The following SIM2 variants were observed in gnomAD, a reference collection of about 807,000 sequenced individuals.
SIM2 encodes the protein SIM bHLH transcription factor 2.
SIM2 carries 28 observed loss-of-function variants against 64.8 expected under a neutral mutation model. The ratio of observed to expected loss-of-function variants is 0.43; its 90% confidence interval spans 0.32 to 0.59. The LOEUF is 0.59. SIM2 is among the 20% of genes least tolerant of loss of function. The pLI is 0.07. For synonymous variants in SIM2, 408 were observed against 391.1 expected, an observed-to-expected ratio of 1.04 and a Z score of -0.51; for missense variants, 847 against 871.4, an observed-to-expected ratio of 0.97 and a Z score of 0.35.
rs1403541577 is a variant in SIM2, at chr21:36,744,910, C to T, written c.1350C>T (p.Asp450=). 6.2e-7 allele frequency: 1 copy of T among 1,614,276 alleles called. No homozygotes were observed. Among genetic ancestry groups the T allele is most frequent in the Non-Finnish European group, 8.5e-7 (1 of 1,180,046 alleles). ...FSYHYGHFPL[D]SHVFSSKKPM... is the part of the protein sequence containing the mutation. Reference sequence around the variant, plus strand: ...ACCATTACGGACACTTCCCTCTGGACTCTCACGTCTTCAGCAGCAAAAAGC... The same window carrying T: ...ACCATTACGGACACTTCCCTCTGGATTCTCACGTCTTCAGCAGCAAAAAGC... Residue 450 remains aspartate, a synonymous_variant, in exon 10 of 11, where the codon GAC becomes GAT. Transcript: ENST00000290399.
chr21:36,732,071 C>T (rs1029122270), intron 7 of SIM2, among the ~76,000 whole-genome samples: 1 of 152,090 alleles, frequency 6.6e-6, no homozygotes, highest in African/African-American at 2.4e-5. Context: ...TTAGTAGAGA[C>T]GGGGTTTCAC....
chr21:36,741,615 G>A (rs1291253128), intron 7 of SIM2, 102 bp from the exon 8 acceptor site: 1 of 1,383,088 alleles, frequency 7.2e-7, no homozygotes, highest in African/African-American at 1.4e-5. Flanking sequence ...CCTTTGTCAA[G>A]TTCTCAGAGG....
At chr21:36,725,167 G>A (rs2123461945) in intron 5 of SIM2, among the ~76,000 whole-genome samples, 1 of 152,196 alleles carries the variant, frequency 6.6e-6, no homozygotes, top group African/African-American at 2.4e-5. Context: ...GCAACATAAT[G>A]AGACCTTGTC....
chr21:36,731,218 C>T lies in SIM2; in HGVS notation c.850+67C>T, dbSNP rs1022904739. On this transcript the variant is annotated intron_variant, in intron 7 of 10. Coordinates refer to ENST00000290399, the MANE Select transcript of SIM2 (RefSeq NM_005069.6). Reference sequence around the variant, plus strand: ...AGGGAGGAGGCGCTGAGGACAGAGCCGGGGGACGTGTCCCTTTTGTTGGTG... The same window carrying T: ...AGGGAGGAGGCGCTGAGGACAGAGCTGGGGGACGTGTCCCTTTTGTTGGTG... The T allele has an allele frequency of 6.2e-6, 7 of 1,138,038 alleles. No individual in the cohort carries two copies. The East Asian group carries it at 7.2e-5, about 12-fold the overall frequency. The allele number at this position is 1,138,038 out of a possible 1,614,324, so 70.5% of individuals were successfully genotyped here.
chr21:36,702,222 A>G (rs552857890), intron 1 of SIM2, among the ~76,000 whole-genome samples: 45 of 152,286 alleles, frequency 3.0e-4, no homozygotes, highest in African/African-American at 1.1e-3. Flanking sequence ...GGCCTTGAGC[A>G]GCTTGCACTG....
chr21:36,747,953 T>C lies in SIM2; in HGVS notation c.1865T>C (p.Leu622Pro). The change falls in exon 11 of 11, where the codon CTG becomes CCG. Residue 622 changes from leucine to proline, a missense_variant. By Grantham distance (98) the Leu-to-Pro change is moderately conservative. Coordinates refer to ENST00000290399, the MANE Select transcript of SIM2 (RefSeq NM_005069.6). The surrounding 1 kb of genome is among the most constrained non-coding windows in gnomAD (Gnocchi z 4.5). ...LGGAAPAASG[L>P]ACAPGGPEAA... ...GGCGCCGCACCCGCCGCCTCCGGCC[T>C]GGCCTGCGCTCCCGGCGGCCCCGAG... 2.0e-6 allele frequency: 2 copies of C among 1,001,648 alleles called. No homozygotes were observed. Among genetic ancestry groups the C allele is most frequent in the Non-Finnish European group, 1.2e-6 (1 of 844,286 alleles). 62.0% of individuals were successfully genotyped at this position (1,001,648 alleles called of 1,614,324 possible). A position where few individuals can be genotyped will look rare whatever the true frequency, so the allele number is the denominator to read the frequency against.
intron 2 of SIM2, chr21:36,709,596 A>G: frequency 7.0e-6 from 3 of 429,450 alleles, no homozygotes; most frequent in South Asian, 2.0e-5. Flanking sequence ...GCTCTGTGCC[A>G]GGCGCCAGGG....
rs1568946207 is a variant in SIM2 at position 36,749,297 on chromosome 21, A to G, written c.*1205A>G. 1 of 152,606 alleles carries G rather than the reference A, an allele frequency of 6.6e-6. No individual in the cohort carries two copies. The highest frequency in any genetic ancestry group is 1.5e-5 in the Non-Finnish European group (1 of 68,032). The allele number at this position is 152,606 out of a possible 1,614,324, so 9.5% of individuals were successfully genotyped here. A position where few individuals can be genotyped will look rare whatever the true frequency, so the allele number is the denominator to read the frequency against. On this transcript the variant is annotated 3_prime_UTR_variant, in exon 11 of 11. Coordinates refer to ENST00000290399, the MANE Select transcript of SIM2 (RefSeq NM_005069.6). Reference sequence around the variant, plus strand: ...TCCTTCAATTTTCTTCACACTATCAACACTGCAGCATTTTGCTGCTTTATC... The same window carrying G: ...TCCTTCAATTTTCTTCACACTATCAGCACTGCAGCATTTTGCTGCTTTATC...
intron 1 of SIM2, among the ~76,000 whole-genome samples, chr21:36,701,081 C>A (rs2088487547): frequency 6.6e-6 from 1 of 152,214 alleles, no homozygotes; most frequent in Non-Finnish European, 1.5e-5. Context: ...TGCGGCCTGG[C>A]CCGAAGGATT....
intron 6 of SIM2, 68 bp from the exon 7 acceptor site, chr21:36,730,977 C>T (rs1007234724): frequency 8.7e-6 from 10 of 1,152,544 alleles, no homozygotes; most frequent in Non-Finnish European, 1.2e-5. Flanking sequence ...TTGGCAAAAC[C>T]AATATTAGTT....
rs1017605435 is a variant in SIM2, at chr21:36,745,058, A to C, written c.1498A>C (p.Ser500Arg). The C allele has an allele frequency of 6.2e-7, 1 of 1,613,692 alleles. No homozygotes were observed. The highest frequency in any genetic ancestry group is 1.3e-5 in the African/African-American group (1 of 75,068). ...QWHYANPLVP[S>R]SSSPAKNPPE... Reference sequence around the variant, plus strand: ...GCATTATGCCAACCCCCTAGTGCCTAGCAGCTCGTCTCCAGCTAAAAATCC... The same window carrying C: ...GCATTATGCCAACCCCCTAGTGCCTCGCAGCTCGTCTCCAGCTAAAAATCC... The change falls in exon 10 of 11, where the codon AGC (serine) becomes CGC (arginine). Residue 500 changes from serine (S) to arginine (R), a missense_variant. Physicochemically the swap from Ser to Arg is moderately radical, Grantham distance 110. Around this residue, in one of 3 missense-constraint regions of SIM2, gnomAD observed 447 missense variants for 414.6 expected, o/e 1.08. Transcript: ENST00000290399. This position sits in a 1 kb window ranked among gnomAD's most constrained non-coding sequence, Gnocchi z 4.8.
intron 6 of SIM2, among the ~76,000 whole-genome samples, chr21:36,727,290 C>T (rs111749083): frequency 6.6e-6 from 1 of 152,244 alleles, no homozygotes; most frequent in Non-Finnish European, 1.5e-5. Context: ...CCGCCTCAGC[C>T]TCCCAAAGTG....
chr21:36,726,161 C>A lies in SIM2; in HGVS notation c.586C>A (p.Leu196Met), dbSNP rs573180823. 17 of 1,614,004 alleles carry A rather than the reference C, an allele frequency of 1.1e-5. No individual in the cohort carries two copies. The Admixed American group carries it at 2.5e-4, about 24-fold the overall frequency. Residue 196 changes from leucine (L) to methionine (M), a missense_variant, in exon 6 of 11, where the codon CTG becomes ATG. Physicochemically the swap from Leu to Met is conservative, Grantham distance 15. Transcript: ENST00000290399. This position sits in a 1 kb window ranked among gnomAD's most constrained non-coding sequence, Gnocchi z 4.5. ...CTACTTGAAGATCAGGCAGTATATG[C>A]TGGACATGTCCCTGTACGACTCCTG... is the stretch of plus-strand genomic sequence containing the variant. ...SGYLKIRQYM[L>M]DMSLYDSCYQ...
chr21:36,719,523 C>T (rs2088793777), intron 3 of SIM2, among the ~76,000 whole-genome samples: 1 of 152,192 alleles, frequency 6.6e-6, no homozygotes, highest in South Asian at 2.1e-4. Context: ...CAGCGCCGCC[C>T]ACCTCTGGTG....
Position 36,745,822 on chromosome 21 carries a change from C to G in SIM2, c.1576+686C>G. ...AAGCAGATGTCCTCTGCGGAGATAC[C>G]GCCAGCTCCCCAGGACGCAGACTGA... On this transcript the variant is annotated intron_variant, in intron 10 of 10. Coordinates refer to ENST00000290399, the MANE Select transcript of SIM2 (RefSeq NM_005069.6). The surrounding 1 kb of genome is among the most constrained non-coding windows in gnomAD (Gnocchi z 4.8). The G allele has an allele frequency of 7.7e-7, 1 of 1,304,048 alleles. No homozygotes were observed. Among genetic ancestry groups the G allele is most frequent in the Non-Finnish European group, 1.0e-6 (1 of 988,828 alleles). 80.8% of individuals were successfully genotyped at this position (1,304,048 alleles called of 1,614,324 possible). A position where few individuals can be genotyped will look rare whatever the true frequency, so the allele number is the denominator to read the frequency against.
At chr21:36,706,544 A>G (rs2088585913) in intron 1 of SIM2, among the ~76,000 whole-genome samples, 2 of 152,250 alleles carry the variant, frequency 1.3e-5, no homozygotes, top group Admixed American at 6.5e-5. Flanking sequence ...GGTCCAGATG[A>G]GGACCACGTG....
At chr21:36,741,582 C>A in intron 7 of SIM2, 135 bp from the exon 8 acceptor site, 4 of 921,562 alleles carry the variant, frequency 4.3e-6, no homozygotes, top group South Asian at 3.0e-5. Flanking sequence ...AGACATGCAC[C>A]CTCCAGCGGA....
chr21:36,719,267 G>T (rs944898906), intron 3 of SIM2, among the ~76,000 whole-genome samples: 2 of 152,282 alleles, frequency 1.3e-5, no homozygotes, highest in Admixed American at 1.3e-4. Flanking sequence ...GAGGGGCACA[G>T]CTCAGAGTCG....
chr21:36,718,226 G>C (rs1329903982), intron 3 of SIM2, among the ~76,000 whole-genome samples: 1 of 152,164 alleles, frequency 6.6e-6, no homozygotes, highest in Non-Finnish European at 1.5e-5. Context: ...AACTGGCTCA[G>C]AGGAGTGCGA....
Sources: allele counts gnomAD v4.1 joint callset (sites outside exome capture counted in the v4.1 genomes callset), GRCh38; gene constraint gnomAD v4.1.1; regional missense constraint gnomAD v4.1.1; non-coding constraint Gnocchi (gnomAD v3.1); transcripts MANE v1.5; gene names NCBI Gene and HGNC (gene_info 2026-07-23, HGNC 2026-07-21).